The following CTNNA2 variants were observed in gnomAD, a reference collection of about 807,000 sequenced individuals.
CTNNA2 encodes the protein catenin alpha 2.
Under a neutral mutation model 101.0 loss-of-function variants are expected in CTNNA2, and 42 were observed. The observed-to-expected ratio is 0.42, with a 90% CI of 0.32 to 0.54. CTNNA2 has a LOEUF of 0.54. Among genes scored for constraint, CTNNA2 ranks in the 20% least tolerant of loss-of-function variants. The pLI is 0.14. For synonymous variants in CTNNA2, 450 were observed against 456.4 expected (o/e 0.99, Z 0.18); for missense variants, 871 against 1,223.1 (o/e 0.71, Z 4.29).
At chr2:80,338,744 T>C (rs1671974825) in intron 7 of CTNNA2, among the ~76,000 whole-genome samples, 1 of 152,080 alleles carries the variant, frequency 6.6e-6, no homozygotes, top group Admixed American at 6.5e-5. Flanking sequence ...CAGAAGAAAG[T>C]GAATGGTGCC....
chr2:79,285,176 CA>C (rs1187945414), intron 2 of CTNNA2, among the ~76,000 whole-genome samples: 5 of 151,748 alleles, frequency 3.3e-5, no homozygotes, highest in Non-Finnish European at 7.4e-5. Flanking sequence ...AGCGGTCTAT[CA>C]ATTTTGTTGA....
intron 7 of CTNNA2, among the ~76,000 whole-genome samples, chr2:80,098,989 G>A (rs571126250): frequency 3.3e-5 from 5 of 151,972 alleles, no homozygotes; most frequent in South Asian, 4.2e-4. Context: ...TTCAGCTCAC[G>A]CACGGTGCAT....
intron 7 of CTNNA2, among the ~76,000 whole-genome samples, chr2:80,297,013 C>T (rs1201640283): frequency 6.6e-6 from 1 of 152,134 alleles, no homozygotes; most frequent in African/African-American, 2.4e-5. Flanking sequence ...AGTCTAAAAT[C>T]CTATTTTAAG....
chr2:80,645,281 AC>A (rs1673949910), intron 18 of CTNNA2, among the ~76,000 whole-genome samples: 1 of 152,192 alleles, frequency 6.6e-6, no homozygotes, highest in African/African-American at 2.4e-5. Context: ...TTCTAAAGAA[AC>A]TGTGACTTAT....
At chr2:80,409,263 A>C (rs180876417) in intron 8 of CTNNA2, among the ~76,000 whole-genome samples, 63 of 152,120 alleles carry the variant, frequency 4.1e-4, no homozygotes, top group African/African-American at 1.5e-3. Context: ...GTTCTGATGG[A>C]GGGGTGGAGA....
Position 80,367,340 on chromosome 2 carries a change from C to T in CTNNA2, c.1057-25871C>T, listed in dbSNP as rs1382132570. Among the ~76,000 whole-genome samples, 3 of 151,986 alleles carry T rather than the reference C, an allele frequency of 2.0e-5. No homozygotes were observed. The East Asian group carries it at 5.8e-4, about 29-fold the overall frequency. On this transcript the variant is annotated intron_variant, in intron 7 of 18. Transcript: ENST00000402739. ...ACCTCCGACTGACTAGTCTTGTAACCACAGGCAAATTTCTTAAGGCCTCTG... is the reference window on the plus strand; with the variant it reads ...ACCTCCGACTGACTAGTCTTGTAACTACAGGCAAATTTCTTAAGGCCTCTG...
intron 7 of CTNNA2, among the ~76,000 whole-genome samples, chr2:80,036,504 C>T (rs1042703834): frequency 6.6e-5 from 10 of 152,080 alleles, no homozygotes; most frequent in African/African-American, 2.4e-4. Flanking sequence ...ACTTGGGAAG[C>T]TGAGGTGGGA....
chr2:79,295,742 A>C (rs1333747212), intron 2 of CTNNA2, among the ~76,000 whole-genome samples: 1 of 152,032 alleles, frequency 6.6e-6, no homozygotes, highest in African/African-American at 2.4e-5. Context: ...CCTCCATTCC[A>C]ATCTCTCTGC....
chr2:80,034,135 A>G (rs973627561), intron 7 of CTNNA2, among the ~76,000 whole-genome samples: 5 of 152,038 alleles, frequency 3.3e-5, no homozygotes, highest in African/African-American at 1.2e-4. Context: ...ACGGGGGAAC[A>G]TGTCAAAAGA....
chr2:80,107,700 G>A (rs1417550504), intron 7 of CTNNA2, among the ~76,000 whole-genome samples: 1 of 152,184 alleles, frequency 6.6e-6, no homozygotes, highest in Non-Finnish European at 1.5e-5. Flanking sequence ...TCACCCCACC[G>A]GATGAGGCAA....
chr2:80,150,901 G>A (rs890870590), intron 7 of CTNNA2, among the ~76,000 whole-genome samples: 6 of 152,138 alleles, frequency 3.9e-5, no homozygotes, highest in African/African-American at 7.2e-5. Context: ...AGGGATGGTC[G>A]TGGGCAGGTA....
chr2:80,553,335 GAGTAATTAAT>G (rs752692520), intron 11 of CTNNA2, among the ~76,000 whole-genome samples: 71 of 152,168 alleles, frequency 4.7e-4, no homozygotes, highest in Non-Finnish European at 8.7e-4. Context: ...CTGATGATTT[GAGTAATTAAT>G]AGCAATGTTT....
intron 7 of CTNNA2, among the ~76,000 whole-genome samples, chr2:80,088,806 C>T (rs1253515602): frequency 6.6e-6 from 1 of 152,060 alleles, no homozygotes; most frequent in Non-Finnish European, 1.5e-5. Flanking sequence ...AGAAGAAGAA[C>T]ACTCAACATG....
chr2:80,052,973 C>G (rs1395154677), intron 7 of CTNNA2, among the ~76,000 whole-genome samples: 1 of 152,000 alleles, frequency 6.6e-6, no homozygotes, highest in Non-Finnish European at 1.5e-5. Context: ...TCTTTTTTGT[C>G]ATCATTTCCA....
At chr2:79,520,438 T>C (rs1450332938) in intron 1 of CTNNA2, among the ~76,000 whole-genome samples, 1 of 152,242 alleles carries the variant, frequency 6.6e-6, no homozygotes, top group African/African-American at 2.4e-5. Context: ...ATCTGTGATG[T>C]TGGATTAGGC....
intron 3 of CTNNA2, among the ~76,000 whole-genome samples, chr2:79,809,782 A>G (rs1676862318): frequency 1.3e-5 from 2 of 152,094 alleles, no homozygotes; most frequent in African/African-American, 4.8e-5. Flanking sequence ...GAAGCTCTTT[A>G]GTTTAATTAG....
At chr2:79,865,405 G>T (rs1222698823) in intron 4 of CTNNA2, among the ~76,000 whole-genome samples, 1 of 152,000 alleles carries the variant, frequency 6.6e-6, no homozygotes, top group Non-Finnish European at 1.5e-5. Context: ...TGTAAAAGTA[G>T]ACTGTAACAA....
At chr2:80,075,619 TATAA>T (rs1336336094) in intron 7 of CTNNA2, among the ~76,000 whole-genome samples, 1 of 100,818 alleles carries the variant, frequency 9.9e-6, no homozygotes, top group East Asian at 3.2e-4. Flanking sequence ...CATGTATAAA[TATAA>T]ATATTTATAC....
At chr2:80,369,031 T>A (rs60059099) in intron 7 of CTNNA2, among the ~76,000 whole-genome samples, 9,894 of 151,952 alleles carry the variant, frequency 0.065, 841 homozygotes, top group African/African-American at 0.2. Context: ...ATAGGGTTAG[T>A]CAGCTCAGAG....
Sources: allele counts gnomAD v4.1 joint callset (sites outside exome capture counted in the v4.1 genomes callset), GRCh38; gene constraint gnomAD v4.1.1; transcripts MANE v1.5; gene names NCBI Gene and HGNC (gene_info 2026-07-23, HGNC 2026-07-21).